Variants in AGBL1 observed in about 807,000 individuals in gnomAD.
The protein encoded by AGBL1 is AGBL carboxypeptidase 1, also known as cytosolic carboxypeptidase 4.
Under a neutral mutation model 118.9 loss-of-function variants are expected in AGBL1, and 130 were observed. The observed-to-expected ratio is 1.09, with a 90% confidence interval of 0.95 to 1.26. AGBL1 has a LOEUF of 1.26. AGBL1 is among the 50% of genes most tolerant of loss of function. AGBL1 has a pLI of 0.00. For synonymous variants in AGBL1, 555 were observed against 478.9 expected, an observed-to-expected ratio of 1.16 and a Z score of -2.08; for missense variants, 1,584 against 1,298.1, an observed-to-expected ratio of 1.22 and a Z score of -3.38.
At chr15:86,456,545 C>A (rs528406473) in intron 18 of AGBL1, among the ~76,000 whole-genome samples, 165 of 152,258 alleles carry the variant, frequency 1.1e-3, no homozygotes, top group Non-Finnish European at 1.1e-3. Context: ...GAGGAGAAGC[C>A]TTCAAAGGGC....
chr15:86,959,256 C>A (rs979344551), intron 23 of AGBL1, among the ~76,000 whole-genome samples: 6 of 151,976 alleles, frequency 3.9e-5, no homozygotes, highest in Non-Finnish European at 8.8e-5. Context: ...GTATTCTTGT[C>A]CAATTGATTA....
At chr15:86,740,852 G>C (rs2077667847) in intron 22 of AGBL1, among the ~76,000 whole-genome samples, 1 of 152,180 alleles carries the variant, frequency 6.6e-6, no homozygotes, top group Non-Finnish European at 1.5e-5. Flanking sequence ...AGAAAATACA[G>C]CCAAATTTTA....
At chr15:86,162,215 G>A (rs1208317481) in intron 5 of AGBL1, among the ~76,000 whole-genome samples, 1 of 152,168 alleles carries the variant, frequency 6.6e-6, no homozygotes, top group African/African-American at 2.4e-5. Flanking sequence ...AAAGTCGCAT[G>A]TCAGGGGGCA....
intron 21 of AGBL1, among the ~76,000 whole-genome samples, chr15:86,651,806 C>T (rs1324300087): frequency 6.6e-6 from 1 of 152,126 alleles, no homozygotes; most frequent in African/African-American, 2.4e-5. Flanking sequence ...AGTTGACTTC[C>T]TGAATGTCTG....
intron 21 of AGBL1, among the ~76,000 whole-genome samples, chr15:86,643,340 C>A (rs1470717669): frequency 6.6e-6 from 1 of 151,960 alleles, no homozygotes; most frequent in African/African-American, 2.4e-5. Flanking sequence ...CCAAAGATAA[C>A]CTTTATTTTA....
intron 24 of AGBL1, among the ~76,000 whole-genome samples, chr15:87,003,416 C>T (rs1186164815): frequency 1.3e-5 from 2 of 149,946 alleles, no homozygotes; most frequent in Non-Finnish European, 3.0e-5. Flanking sequence ...CAATGTTCAT[C>T]GGGATATTGG....
rs1456430366 is a variant in AGBL1 at position 86,914,575 on chromosome 15, A to G, written c.*7281A>G. ...TAATTAGCAACACTTAGTATCTATA[A>G]TAGTCTAAGACCATCGCAGGTGTCA... On this transcript the variant is annotated 3_prime_UTR_variant, in exon 23 of 23. Transcript: ENST00000614907. 6.6e-6 allele frequency: 1 copy of G among 152,180 alleles called. No homozygotes were observed. Among genetic ancestry groups the G allele is most frequent in the African/African-American group, 2.4e-5 (1 of 41,440 alleles). 9.4% of individuals were successfully genotyped at this position (152,180 alleles called of 1,614,324 possible). A position where few individuals can be genotyped will look rare whatever the true frequency, so the allele number is the denominator to read the frequency against.
At chr15:86,832,994 C>T (rs548860258) in intron 22 of AGBL1, among the ~76,000 whole-genome samples, 1 of 152,140 alleles carries the variant, frequency 6.6e-6, no homozygotes, top group Non-Finnish European at 1.5e-5. Flanking sequence ...AAACGAGGAA[C>T]AAAGTCATGT....
chr15:86,919,793 G>T (rs75203102), downstream of AGBL1, among the ~76,000 whole-genome samples: 1,196 of 152,262 alleles, frequency 7.9e-3, 16 homozygotes, highest in African/African-American at 0.026. Context: ...CCTTGTGCCA[G>T]ATGATATGAG....
chr15:86,886,351 T>C (rs1221274088), intron 22 of AGBL1, among the ~76,000 whole-genome samples: 3 of 152,228 alleles, frequency 2.0e-5, no homozygotes, highest in African/African-American at 7.2e-5. Context: ...ACTTTTGCAG[T>C]TTAACAGTTT....
intron 21 of AGBL1, among the ~76,000 whole-genome samples, chr15:86,660,649 A>G (rs1017545343): frequency 6.6e-6 from 1 of 152,124 alleles, no homozygotes; most frequent in African/African-American, 2.4e-5. Flanking sequence ...TATGAGTTTT[A>G]TACAGCAATC....
chr15:86,297,085 AAG>A (rs1159358888), intron 17 of AGBL1: 1 of 152,176 alleles, frequency 6.6e-6, no homozygotes, highest in Non-Finnish European at 1.5e-5. Context: ...CTGTTAAAAA[AAG>A]AGAGAGAAAG....
rs145439664 is a variant in AGBL1 at position 86,885,005 on chromosome 15, A to G, written c.3159-22082A>G. ...AGAACTACCTAATAGAACATATGCT[A>G]CCAGATGATGCTGAAACATCTATTT... On this transcript the variant is annotated intron_variant, in intron 22 of 22. Coordinates refer to ENST00000614907, the MANE Select transcript of AGBL1 (RefSeq NM_001386094.1). Among the ~76,000 whole-genome samples the G allele has an allele frequency of 1.4e-4, 22 of 152,308 alleles. No homozygotes were observed. In the East Asian group the frequency reaches 4.3e-3, roughly 29 times the overall value.
At chr15:86,553,140 G>T (rs547318367) in intron 20 of AGBL1, among the ~76,000 whole-genome samples, 1 of 152,048 alleles carries the variant, frequency 6.6e-6, no homozygotes, top group Admixed American at 6.5e-5. Flanking sequence ...AAAGCCTAAG[G>T]CTTCACTATT....
At chr15:86,960,347 T>C (rs2080979246) in intron 23 of AGBL1, among the ~76,000 whole-genome samples, 1 of 152,076 alleles carries the variant, frequency 6.6e-6, no homozygotes, top group Non-Finnish European at 1.5e-5. Flanking sequence ...CTACAGGTAA[T>C]TCCATATTAT....
At position 86,976,396 on chromosome 15, in the gene AGBL1, G is replaced by T. The variant is rs1470378741; in HGVS notation, c.3222-11591G>T. On this transcript the variant is annotated intron_variant, in intron 23 of 24. Transcript: ENST00000441037. ...TTCTTTACCCATATAATTTCTAATTGCTAAATAGCATTGCATTTGTTTGTT... is the reference window on the plus strand; with the variant it reads ...TTCTTTACCCATATAATTTCTAATTTCTAAATAGCATTGCATTTGTTTGTT... Among the ~76,000 whole-genome samples, 4 of 151,820 alleles carry T rather than the reference G, an allele frequency of 2.6e-5. No homozygotes were observed. The South Asian group carries it at 8.3e-4, about 32-fold the overall frequency.
intron 23 of AGBL1, among the ~76,000 whole-genome samples, chr15:86,945,474 G>A (rs768317873): frequency 6.6e-6 from 1 of 151,802 alleles, no homozygotes; most frequent in African/African-American, 2.4e-5. Context: ...ATTGAGAACA[G>A]CCTGGGCAAC....
chr15:86,117,057 T>C (rs2141564848), intron 1 of AGBL1, among the ~76,000 whole-genome samples: 1 of 152,162 alleles, frequency 6.6e-6, no homozygotes, highest in South Asian at 2.1e-4. Context: ...TGTGTGATTG[T>C]ATTCATTAGA....
rs1244147867 is a variant in AGBL1, at chr15:86,531,095, G to T, written c.2685+8156G>T. Among the ~76,000 whole-genome samples, 17 of 36,044 alleles carry T rather than the reference G, an allele frequency of 4.7e-4. 1 individual carries two copies. Among genetic ancestry groups the T allele is most frequent in the Admixed American group, 3.6e-3 (15 of 4,196 alleles). 23.6% of individuals were successfully genotyped at this position (36,044 alleles called of 152,430 possible). On this transcript the variant is annotated intron_variant, in intron 19 of 22. Coordinates refer to ENST00000614907, the MANE Select transcript of AGBL1 (RefSeq NM_001386094.1). ...ACATTCAAAAGCTAGCAGAAGGCAA[G>T]AAATAACTAAAATCAGAGCAGAACT...
Sources: gnomAD v4.1 joint callset for allele counts (sites outside exome capture counted in the v4.1 genomes callset) on GRCh38, gnomAD v4.1.1 for gene constraint, MANE v1.5 for transcripts, NCBI Gene and HGNC (gene_info 2026-07-23, HGNC 2026-07-21) for gene names.